The following PCDHGA9 variants were observed in gnomAD, a reference collection of about 807,000 sequenced individuals.
The protein encoded by PCDHGA9 is protocadherin gamma-A9.
PCDHGA9 carries 37 observed loss-of-function variants against 62.5 expected under a neutral mutation model. The observed-to-expected ratio is 0.59, with a 90% CI of 0.46 to 0.78. The LOEUF is 0.78. PCDHGA9 is among the 30% of genes least tolerant of loss of function. PCDHGA9 has a pLI of 0.00. For missense variants in PCDHGA9, 1,138 were observed against 1,166.2 expected, an observed-to-expected ratio of 0.98 and a Z score of 0.35; for synonymous variants, 459 against 484.6, an observed-to-expected ratio of 0.95 and a Z score of 0.69.
At position 141,510,993 on chromosome 5, in the gene PCDHGA9, G is replaced by A. The variant is rs1457918073; in HGVS notation, c.2619G>A (p.Met873Ile). The A allele has an allele frequency of 4.3e-6, 7 of 1,614,046 alleles. No homozygotes were observed. Among genetic ancestry groups the A allele is most frequent in the African/African-American group, 1.3e-5 (1 of 74,906 alleles). ...CCCTGGGAGGGGGTGCCGGCACCAT[G>A]GGATTGAGCGCCCGCTACGGACCCC... ...SSTLGGGAGT[M>I]GLSARYGPQF... The change falls in exon 4 of 4, where the codon ATG (methionine) becomes ATA (isoleucine). Residue 873 changes from methionine to isoleucine, a missense_variant. Transcript: ENST00000573521.
At chr5:141,481,282 T>C (rs2099534931) in intron 1 of PCDHGA9, among the ~76,000 whole-genome samples, 1 of 152,148 alleles carries the variant, frequency 6.6e-6, no homozygotes, top group African/African-American at 2.4e-5. Flanking sequence ...CATAAAATGG[T>C]ATTTCAGTCA....
At chr5:141,420,391 G>C in intron 1 of PCDHGA9, 1 of 1,270,636 alleles carries the variant, frequency 7.9e-7, no homozygotes, top group Non-Finnish European at 1.0e-6. Flanking sequence ...GCAAAATATA[G>C]GTCAAATTTA....
chr5:141,418,434 C>T, intron 1 of PCDHGA9: 5 of 1,613,944 alleles, frequency 3.1e-6, no homozygotes, highest in Non-Finnish European at 4.2e-6. Context: ...GGCAAATATC[C>T]AGAATTAGTA....
intron 1 of PCDHGA9, chr5:141,417,670 A>T: frequency 1.1e-6 from 1 of 929,118 alleles, no homozygotes; most frequent in Admixed American, 3.2e-5. Context: ...TTCCCTGCGC[A>T]GCCAACAACA....
intron 1 of PCDHGA9, chr5:141,421,226 C>A (rs368125665): frequency 3.7e-5 from 58 of 1,584,718 alleles, no homozygotes; most frequent in Non-Finnish European, 4.6e-5. Context: ...TTAGAGCCTG[C>A]CATGGCGAAT....
At position 141,414,719 on chromosome 5, in the gene PCDHGA9, C is replaced by T. The variant is rs1361757630; in HGVS notation, c.2424+9343C>T. On this transcript the variant is annotated intron_variant, in intron 1 of 3. Transcript: ENST00000573521. ...TCATACATATCCATCAACTCAGACA[C>T]TGGCGTCCTGTATGCACTCAGATCC... The T allele has an allele frequency of 1.2e-6, 2 of 1,614,050 alleles. No individual in the cohort carries two copies. Among genetic ancestry groups the T allele is most frequent in the African/African-American group, 1.3e-5 (1 of 74,934 alleles).
rs1326004540 is a variant in PCDHGA9 at position 141,477,117 on chromosome 5, C to T, written c.2425-17690C>T. Reference sequence around the variant, plus strand: ...GACAAGGGCGCCAATCCCGAAGGAGCACATTGCAAAGTGTTGGTGGAGGTT... The same window carrying T: ...GACAAGGGCGCCAATCCCGAAGGAGTACATTGCAAAGTGTTGGTGGAGGTT... On this transcript the variant is annotated intron_variant, in intron 1 of 3. Coordinates refer to ENST00000573521, the MANE Select transcript of PCDHGA9 (RefSeq NM_018921.3). The surrounding 1 kb of genome is among the most constrained non-coding windows in gnomAD (Gnocchi z 4.9). 1.2e-6 allele frequency: 2 copies of T among 1,614,246 alleles called. No homozygotes were observed. Among genetic ancestry groups the T allele is most frequent in the East Asian group, 4.5e-5 (2 of 44,886 alleles).
chr5:141,485,525 C>A lies in PCDHGA9; in HGVS notation c.2425-9282C>A. On this transcript the variant is annotated intron_variant, in intron 1 of 3. Transcript: ENST00000573521. This position sits in a 1 kb window ranked among gnomAD's most constrained non-coding sequence, Gnocchi z 5.7. ...CACCGAAGGTCCTTTGGAAATGTAC[C>A]GAGCAGAGGTAGAGATCGTAGATGT... The A allele has an allele frequency of 5.6e-6, 9 of 1,614,122 alleles. No individual in the cohort carries two copies. Among genetic ancestry groups the A allele is most frequent in the Non-Finnish European group, 7.6e-6 (9 of 1,180,022 alleles).
chr5:141,423,546 G>A, intron 1 of PCDHGA9: 1 of 1,613,708 alleles, frequency 6.2e-7, no homozygotes, highest in Non-Finnish European at 8.5e-7. Flanking sequence ...TTTTCCCCCA[G>A]CCCAACTATG....
At chr5:141,430,021 T>C (rs2097257368) in intron 1 of PCDHGA9, among the ~76,000 whole-genome samples, 1 of 152,226 alleles carries the variant, frequency 6.6e-6, no homozygotes, top group Admixed American at 6.5e-5. Context: ...TGGGTTCTTG[T>C]TAAGTGTGAT....
chr5:141,486,909 C>T lies in PCDHGA9; in HGVS notation c.2425-7898C>T, dbSNP rs759702188. ...CGGCCTGGTTCCTTATGTCCCCAAGCACTGCCTCCATCAGTTGGTGCTGGC... is the reference window on the plus strand; with the variant it reads ...CGGCCTGGTTCCTTATGTCCCCAAGTACTGCCTCCATCAGTTGGTGCTGGC... On this transcript the variant is annotated intron_variant, in intron 1 of 3. Transcript: ENST00000573521. This position sits in a 1 kb window ranked among gnomAD's most constrained non-coding sequence, Gnocchi z 5.0. 2 of 1,614,262 alleles carry T rather than the reference C, an allele frequency of 1.2e-6. No homozygotes were observed. Among genetic ancestry groups the T allele is most frequent in the Non-Finnish European group, 1.7e-6 (2 of 1,180,054 alleles).
chr5:141,429,729 A>G (rs1362403236), intron 1 of PCDHGA9, among the ~76,000 whole-genome samples: 1 of 152,240 alleles, frequency 6.6e-6, no homozygotes, highest in African/African-American at 2.4e-5. Flanking sequence ...GAAAGTACGT[A>G]GCCAGTTATT....
chr5:141,437,728 A>T (rs1236819934), intron 1 of PCDHGA9, among the ~76,000 whole-genome samples: 1 of 150,908 alleles, frequency 6.6e-6, no homozygotes, highest in Non-Finnish European at 1.5e-5. Context: ...CTAATGTTAC[A>T]CTTTGAGTTC....
At chr5:141,426,933 G>A (rs1294433096) in intron 1 of PCDHGA9, 1 of 456,660 alleles carries the variant, frequency 2.2e-6, no homozygotes, top group Non-Finnish European at 4.4e-6. Context: ...GGACATGGGT[G>A]ACCCAGTCCC....
rs772000812 is a variant in PCDHGA9, at chr5:141,478,304, C to T, written c.2425-16503C>T. The T allele has an allele frequency of 8.1e-6, 13 of 1,614,108 alleles. No individual in the cohort carries two copies. In the Middle Eastern group the frequency reaches 1.2e-3, roughly 143 times the overall value. On this transcript the variant is annotated intron_variant, in intron 1 of 3. Coordinates refer to ENST00000573521, the MANE Select transcript of PCDHGA9 (RefSeq NM_018921.3). The stretch of plus-strand genomic sequence containing the variant: ...GCAGTCTAGAGACCTATACCGAGCC[C>T]CGGTGAGCTCACTGTACCGAACACC...
chr5:141,474,961 A>G (rs1395755491), intron 1 of PCDHGA9, among the ~76,000 whole-genome samples: 1 of 152,254 alleles, frequency 6.6e-6, no homozygotes, highest in South Asian at 2.1e-4. Flanking sequence ...TCACTATCCT[A>G]ATCATTATAA....
intron 1 of PCDHGA9, among the ~76,000 whole-genome samples, chr5:141,406,616 T>C (rs1226509680): frequency 1.3e-5 from 2 of 152,242 alleles, no homozygotes; most frequent in Non-Finnish European, 2.9e-5. Flanking sequence ...ACATCTTTTA[T>C]TCTCATATCT....
At chr5:141,468,849 G>C (rs1349849817) in intron 1 of PCDHGA9, among the ~76,000 whole-genome samples, 2 of 152,058 alleles carry the variant, frequency 1.3e-5, no homozygotes, top group East Asian at 3.9e-4. Flanking sequence ...CTGGGCAACA[G>C]AGCGAGACTC....
intron 2 of PCDHGA9, among the ~76,000 whole-genome samples, chr5:141,500,453 C>T (rs1403599390): frequency 6.6e-6 from 1 of 152,130 alleles, no homozygotes; most frequent in South Asian, 2.1e-4. Context: ...TCGTGATCCG[C>T]CCGCCTCGGC....
Sources: gnomAD v4.1 joint callset for allele counts (sites outside exome capture counted in the v4.1 genomes callset) on GRCh38, gnomAD v4.1.1 for gene constraint, Gnocchi (gnomAD v3.1) non-coding constraint, MANE v1.5 for transcripts, NCBI Gene and HGNC (gene_info 2026-07-23, HGNC 2026-07-21) for gene names.